ZNF407: variants seen among roughly 807,000 people sequenced by gnomAD.
ZNF407 encodes zinc finger protein 407.
ZNF407 carries 17 observed loss-of-function variants against 131.2 expected under a neutral mutation model. The observed-to-expected ratio is 0.13, with a 90% confidence interval of 0.09 to 0.19. ZNF407 has a LOEUF of 0.19. ZNF407 is among the 10% of genes least tolerant of loss of function. ZNF407 has a pLI of 1.00. For synonymous variants in ZNF407, 1,156 were observed against 1,062.0 expected (o/e 1.09, Z -1.72); for missense variants, 2,681 against 2,830.6 (o/e 0.95, Z 1.20).
At chr18:74,734,673 G>GTT (rs1968371341) in intron 3 of ZNF407, among the ~76,000 whole-genome samples, 1 of 118,970 alleles carries the variant, frequency 8.4e-6, no homozygotes, top group Non-Finnish European at 1.7e-5. Flanking sequence ...GTTTCAATTT[G>GTT]TGTGTGTGTG....
At chr18:74,956,072 T>C (rs894274395) in intron 8 of ZNF407, among the ~76,000 whole-genome samples, 3 of 152,248 alleles carry the variant, frequency 2.0e-5, no homozygotes, top group African/African-American at 7.2e-5. Context: ...TATTTTAAAG[T>C]ATCCACCCCT....
chr18:74,994,923 TA>T (rs1278261339), intron 8 of ZNF407, among the ~76,000 whole-genome samples: 5 of 152,028 alleles, frequency 3.3e-5, no homozygotes, highest in Non-Finnish European at 7.4e-5. Flanking sequence ...TATCTAGACA[TA>T]AAAGCAACGA....
intron 3 of ZNF407, among the ~76,000 whole-genome samples, chr18:74,755,170 AC>A (rs60768652): frequency 1 from 151,380 of 151,558 alleles, 75,601 homozygotes; most frequent in African/African-American, 1. Context: ...TAGGATTGCA[AC>A]CCCCTGCTTT....
At chr18:74,957,822 C>T (rs148256394) in intron 8 of ZNF407, among the ~76,000 whole-genome samples, 1 of 152,324 alleles carries the variant, frequency 6.6e-6, no homozygotes. Flanking sequence ...TAAAGCTCCA[C>T]CTCTGGCATA....
intron 3 of ZNF407, among the ~76,000 whole-genome samples, chr18:74,735,902 A>G (rs1968401018): frequency 6.6e-6 from 1 of 152,220 alleles, no homozygotes; most frequent in Non-Finnish European, 1.5e-5. Context: ...AGTTGACATT[A>G]GCTGAAAATG....
At chr18:74,801,672 G>A (rs1026960373) in intron 4 of ZNF407, among the ~76,000 whole-genome samples, 1 of 152,132 alleles carries the variant, frequency 6.6e-6, no homozygotes, top group African/African-American at 2.4e-5. Flanking sequence ...TCTCTTGGTT[G>A]GTGTGCATTT....
At chr18:74,955,819 G>T (rs946677020) in intron 8 of ZNF407, among the ~76,000 whole-genome samples, 1 of 152,082 alleles carries the variant, frequency 6.6e-6, no homozygotes, top group Non-Finnish European at 1.5e-5. Context: ...ACTTCATCAG[G>T]CTCGGCCAGC....
At chr18:75,059,614 G>A (rs1353949610) in intron 8 of ZNF407, among the ~76,000 whole-genome samples, 2 of 152,168 alleles carry the variant, frequency 1.3e-5, no homozygotes, top group Non-Finnish European at 2.9e-5. Context: ...GCATACCAGA[G>A]AAAGAATGTG....
At chr18:75,021,903 G>T (rs1973115219) in intron 8 of ZNF407, among the ~76,000 whole-genome samples, 1 of 151,788 alleles carries the variant, frequency 6.6e-6, no homozygotes, top group Non-Finnish European at 1.5e-5. Flanking sequence ...AAGGCAACTA[G>T]AATACTGAGA....
intron 1 of ZNF407, among the ~76,000 whole-genome samples, chr18:74,629,693 T>C (rs999567869): frequency 3.9e-5 from 6 of 152,162 alleles, no homozygotes; most frequent in African/African-American, 1.4e-4. Flanking sequence ...ATGGAAAAAA[T>C]AGCTAAAATA....
chr18:74,686,866 A>G (rs993549526), intron 3 of ZNF407, among the ~76,000 whole-genome samples: 2 of 152,242 alleles, frequency 1.3e-5, no homozygotes, highest in African/African-American at 4.8e-5. Flanking sequence ...AATAATTTAT[A>G]TATACACTGT....
chr18:74,916,225 T>C, intron 7 of ZNF407, among the ~76,000 whole-genome samples: 1 of 111,428 alleles, frequency 9.0e-6, no homozygotes, highest in African/African-American at 4.5e-5. Context: ...TGTGTGTACA[T>C]GTGTGTGCTG....
chr18:74,735,350 AT>A (rs1239749095), intron 3 of ZNF407, among the ~76,000 whole-genome samples: 44 of 152,354 alleles, frequency 2.9e-4, no homozygotes, highest in African/African-American at 1.1e-3. Context: ...GTTGAGTAAA[AT>A]ATACTAGCTT....
intron 8 of ZNF407, among the ~76,000 whole-genome samples, chr18:74,973,826 G>A (rs2145306082): frequency 6.6e-6 from 1 of 152,220 alleles, no homozygotes; most frequent in East Asian, 1.9e-4. Flanking sequence ...GTCTTCACAT[G>A]GCATTCTTTG....
intron 8 of ZNF407, among the ~76,000 whole-genome samples, chr18:74,953,308 G>A (rs373978730): frequency 2.6e-5 from 4 of 152,280 alleles, no homozygotes; most frequent in East Asian, 3.9e-4. Context: ...TTGGCATGCC[G>A]CCTTCTGTGG....
intron 3 of ZNF407, among the ~76,000 whole-genome samples, chr18:74,671,318 CTGTTTTTTTT>C (rs1986131509): frequency 6.6e-6 from 1 of 151,066 alleles, no homozygotes; most frequent in South Asian, 2.1e-4. Flanking sequence ...GGATGGACCA[CTGTTTTTTTT>C]TGTTTTTTTT....
In ZNF407 at chr18:74,718,570, G is replaced by A. The variant is rs78994060; in HGVS notation, c.4803-62858G>A. On this transcript the variant is annotated intron_variant, in intron 3 of 8. Coordinates refer to ENST00000299687, the MANE Select transcript of ZNF407 (RefSeq NM_017757.3). Reference sequence around the variant, plus strand: ...GGGGTCTTTGTGTGGATGTGTTGCCGAGGTTGGCCTTGACTTCCTGTGCTC... The same window carrying A: ...GGGGTCTTTGTGTGGATGTGTTGCCAAGGTTGGCCTTGACTTCCTGTGCTC... 2.0e-3 allele frequency among the ~76,000 whole-genome samples: 298 copies of A among 152,058 alleles called. 5 individuals carry two copies. Among genetic ancestry groups the A allele is most frequent in the African/African-American group, 6.4e-3 (264 of 41,486 alleles).
chr18:74,725,579 G>A (rs7244854), intron 3 of ZNF407, among the ~76,000 whole-genome samples: 104,640 of 151,968 alleles, frequency 0.69, 36,979 homozygotes, highest in East Asian at 0.85. Context: ...TGTAAAAACT[G>A]GTGGAAAGTA....
At chr18:75,061,931 A>C (rs1364096725) in intron 8 of ZNF407, 1 of 152,154 alleles carries the variant, frequency 6.6e-6, no homozygotes, top group African/African-American at 2.4e-5. Context: ...CAGATCGTAA[A>C]TTTCTTACCC....
Sources: gnomAD v4.1 joint callset for allele counts (sites outside exome capture counted in the v4.1 genomes callset) on GRCh38, gnomAD v4.1.1 for gene constraint, MANE v1.5 for transcripts, NCBI Gene and HGNC (gene_info 2026-07-23, HGNC 2026-07-21) for gene names.